MGST1: variants seen among roughly 807,000 people sequenced by gnomAD.
MGST1 encodes glutathione S-transferase 12.
Under a neutral mutation model 8.9 loss-of-function variants are expected in MGST1, and 5 were observed. That is an observed-to-expected ratio of 0.56 (90% confidence interval 0.29 to 1.19). The LOEUF (loss-of-function observed/expected upper bound fraction) is 1.19. MGST1 is among the 50% of genes most tolerant of loss of function. MGST1 has a pLI of 0.08. For synonymous variants in MGST1, 54 were observed against 67.8 expected, an observed-to-expected ratio of 0.80 and a Z score of 1.00; for missense variants, 182 against 187.4, an observed-to-expected ratio of 0.97 and a Z score of 0.17.
chr12:16,449,116 T>C (rs560026850), intron 4 of MGST1, among the ~76,000 whole-genome samples: 3 of 152,076 alleles, frequency 2.0e-5, no homozygotes, highest in African/African-American at 7.2e-5. Context: ...AAGAAATACC[T>C]GAGGCTAGAC....
chr12:16,357,422 C>T, intron 2 of MGST1, 183 bp from the exon 3 acceptor site: 1 of 535,056 alleles, frequency 1.9e-6, no homozygotes, highest in East Asian at 3.2e-5. Context: ...TGGCCCACTA[C>T]CATGCAAAAT....
chr12:16,491,328 A>G (rs1031227230), intron 4 of MGST1, among the ~76,000 whole-genome samples: 1 of 152,208 alleles, frequency 6.6e-6, no homozygotes, highest in African/African-American at 2.4e-5. Context: ...TGCAGGAATT[A>G]TATAACTCTA....
At chr12:16,398,222 C>A (rs1940622760) in intron 1 of MGST1, among the ~76,000 whole-genome samples, 1 of 152,028 alleles carries the variant, frequency 6.6e-6, no homozygotes, top group African/African-American at 2.4e-5. Flanking sequence ...CTCTTAAAGT[C>A]ACAGAGCATG....
rs547942220 is a variant in MGST1 at position 16,396,264 on chromosome 12, T to C, written n.778+12660T>C. ...TCTATGATTAAAACCCTCAGCAAAA[T>C]TGGCATACAAGGAACATACCTCAAT... On this transcript the variant is annotated intron_variant and non_coding_transcript_variant, in intron 1 of 1. Transcript: ENST00000359720. 2.2e-4 allele frequency among the ~76,000 whole-genome samples: 33 copies of C among 152,178 alleles called. No homozygotes were observed. The East Asian group carries it at 6.2e-3, about 29-fold the overall frequency.
intron 4 of MGST1, among the ~76,000 whole-genome samples, chr12:16,539,603 G>C (rs1034675102): frequency 6.6e-6 from 1 of 152,102 alleles, no homozygotes; most frequent in African/African-American, 2.4e-5. Flanking sequence ...TTTGTCAACT[G>C]TATCAGCTGG....
At position 16,401,424 on chromosome 12, in the gene MGST1, A is replaced by G. The variant is rs1940654795; in HGVS notation, n.778+17820A>G. 1.4e-5 allele frequency: 13 copies of G among 904,982 alleles called. No homozygotes were observed. The South Asian group carries it at 1.6e-4, about 11-fold the overall frequency. The allele number at this position is 904,982 out of a possible 1,614,324, so 56.1% of individuals were successfully genotyped here. A position where few individuals can be genotyped will look rare whatever the true frequency, so the allele number is the denominator to read the frequency against. ...TCAGGAGTTCTGGCTTCTGCTTTTT[A>G]GCCACGTCCATGACAGCATTATATA... On this transcript the variant is annotated intron_variant and non_coding_transcript_variant, in intron 1 of 1. Transcript: ENST00000359720. The surrounding 1 kb of genome is among the most constrained non-coding windows in gnomAD (Gnocchi z 4.3).
Position 16,586,633 on chromosome 12 carries a change from C to T in MGST1, n.483-2895C>T, listed in dbSNP as rs1469926581. ...TGGCAGGACCACTTGTCTCCCAAAG[C>T]CTGTCCTAGGATGTGGCAATAAGGC... is the stretch of plus-strand genomic sequence containing the variant. On this transcript the variant is annotated intron_variant and non_coding_transcript_variant, in intron 4 of 4. Transcript: ENST00000538857. This position sits in a 1 kb window ranked among gnomAD's most constrained non-coding sequence, Gnocchi z 4.3. Among the ~76,000 whole-genome samples the T allele has an allele frequency of 5.9e-5, 9 of 152,198 alleles. No homozygotes were observed.
At chr12:16,395,440 G>A (rs1940596060) in intron 1 of MGST1, among the ~76,000 whole-genome samples, 1 of 151,950 alleles carries the variant, frequency 6.6e-6, no homozygotes, top group Non-Finnish European at 1.5e-5. Flanking sequence ...TATTTCCATA[G>A]GTTTTTGGGG....
At chr12:16,351,883 A>T (rs532758779) in intron 1 of MGST1, among the ~76,000 whole-genome samples, 3 of 152,176 alleles carry the variant, frequency 2.0e-5, no homozygotes, top group African/African-American at 7.2e-5. Context: ...GCAAAATGGG[A>T]ATTTTAATAC....
downstream of MGST1, among the ~76,000 whole-genome samples, chr12:16,442,146 T>A (rs1031022778): frequency 1.3e-5 from 2 of 151,898 alleles, no homozygotes; most frequent in East Asian, 3.9e-4. The surrounding 1 kb of genome is among the most constrained non-coding windows in gnomAD (Gnocchi z 4.5). Context: ...CTTTTGCCCA[T>A]TTTTAAATAG....
At chr12:16,510,773 T>A (rs1447486062) in intron 4 of MGST1, among the ~76,000 whole-genome samples, 1 of 152,210 alleles carries the variant, frequency 6.6e-6, no homozygotes, top group Admixed American at 6.5e-5. Flanking sequence ...GTTGGGTGCT[T>A]CTTCCTGGTT....
intron 4 of MGST1, among the ~76,000 whole-genome samples, chr12:16,454,056 A>C (rs1269547841): frequency 6.6e-6 from 1 of 151,948 alleles, no homozygotes; most frequent in Non-Finnish European, 1.5e-5. Flanking sequence ...GGAACTTTAG[A>C]AACCTATACG....
chr12:16,483,664 C>T (rs1163365217), intron 4 of MGST1, among the ~76,000 whole-genome samples: 1 of 152,060 alleles, frequency 6.6e-6, no homozygotes, highest in Non-Finnish European at 1.5e-5. Context: ...TAATATAGAA[C>T]CATTTTAAAC....
At chr12:16,518,024 A>C in intron 4 of MGST1, among the ~76,000 whole-genome samples, 1 of 152,200 alleles carries the variant, frequency 6.6e-6, no homozygotes, top group East Asian at 1.9e-4. Context: ...TTCAACATGG[A>C]AGAATGTCAG....
chr12:16,356,118 C>G (rs889214787), intron 2 of MGST1, among the ~76,000 whole-genome samples: 1 of 152,148 alleles, frequency 6.6e-6, no homozygotes, highest in African/African-American at 2.4e-5. Context: ...ACCTAATTAC[C>G]TCCCAAAGGC....
At chr12:16,426,762 T>C (rs528623309) in intron 1 of MGST1, among the ~76,000 whole-genome samples, 9 of 152,030 alleles carry the variant, frequency 5.9e-5, no homozygotes, top group African/African-American at 1.7e-4. Flanking sequence ...CCATCCTGGC[T>C]AACACAGTGA....
intron 1 of MGST1, among the ~76,000 whole-genome samples, chr12:16,394,156 G>A (rs186393776): frequency 3.3e-4 from 50 of 152,244 alleles, no homozygotes; most frequent in Admixed American, 2.1e-3. Context: ...CTGTTGCTCC[G>A]TATCTTTATC....
chr12:16,535,091 T>C (rs188849905), intron 4 of MGST1, among the ~76,000 whole-genome samples: 7 of 152,328 alleles, frequency 4.6e-5, no homozygotes, highest in Non-Finnish European at 2.9e-5. Context: ...CATTTCTGGT[T>C]CTCTTCTTAT....
rs1591777249 is a variant in MGST1, at chr12:16,560,937, T to G, written n.483-28591T>G. ...GGAAAGGAACCAACTAATGAATGAT[T>G]CACTACTTTTTGACATTTAGTTACT... On this transcript the variant is annotated intron_variant and non_coding_transcript_variant, in intron 4 of 4. Coordinates refer to the MGST1 transcript ENST00000538857. This position sits in a 1 kb window ranked among gnomAD's most constrained non-coding sequence, Gnocchi z 5.0. 5.3e-6 allele frequency: 1 copy of G among 187,270 alleles called. No individual in the cohort carries two copies. Among genetic ancestry groups the G allele is most frequent in the Non-Finnish European group, 1.1e-5 (1 of 87,606 alleles). The allele number at this position is 187,270 out of a possible 1,614,324, so 11.6% of individuals were successfully genotyped here. A position where few individuals can be genotyped will look rare whatever the true frequency, so the allele number is the denominator to read the frequency against.
Sources: allele counts gnomAD v4.1 joint callset (sites outside exome capture counted in the v4.1 genomes callset), GRCh38; gene constraint gnomAD v4.1.1; non-coding constraint Gnocchi (gnomAD v3.1); transcripts MANE v1.5; gene names NCBI Gene and HGNC (gene_info 2026-07-23, HGNC 2026-07-21).